The following EML4 variants were observed in gnomAD, a reference collection of about 807,000 sequenced individuals.
EML4 encodes the protein EMAP like 4.
In EML4, 72 loss-of-function variants were observed where a neutral mutation model predicts 129.0. That is an observed-to-expected ratio of 0.56 (90% confidence interval 0.46 to 0.68). The LOEUF (loss-of-function observed/expected upper bound fraction) is 0.68, where lower values mean the gene tolerates loss of function less well. Ranked by LOEUF, EML4 falls within the 30% of genes least tolerant of loss-of-function variation. EML4 has a pLI of 0.00. For missense variants in EML4, 1,363 were observed against 1,190.6 expected (o/e 1.14, Z -2.13); for synonymous variants, 532 against 405.0 (o/e 1.31, Z -3.77).
At chr2:42,221,402 A>ATTTTTTTT (rs1450348385) in intron 1 of EML4, among the ~76,000 whole-genome samples, 1 of 75,612 alleles carries the variant, frequency 1.3e-5, no homozygotes, top group African/African-American at 5.4e-5. Flanking sequence ...AACATGGTTT[A>ATTTTTTTT]CTTTTTTTTT....
chr2:42,259,318 A>C (rs1309709237), intron 3 of EML4, among the ~76,000 whole-genome samples: 1 of 152,052 alleles, frequency 6.6e-6, no homozygotes, highest in Middle Eastern at 3.2e-3. Context: ...CCTTTTCATC[A>C]CTGGAATTCA....
intron 3 of EML4, 130 bp downstream of exon 3, chr2:42,256,760 C>A: frequency 8.6e-7 from 1 of 1,164,896 alleles, no homozygotes; most frequent in Non-Finnish European, 1.2e-6. Context: ...AATTCTTAAA[C>A]TGTGAAAGTA....
intron 17 of EML4, 89 bp downstream of exon 17, chr2:42,304,640 ATCTCT>A (rs1668490732): frequency 1.0e-6 from 1 of 988,430 alleles, no homozygotes; most frequent in Admixed American, 1.7e-5. Context: ...TGGAGAATTA[ATCTCT>A]TAAGTGGCAC....
intron 1 of EML4, among the ~76,000 whole-genome samples, chr2:42,179,192 G>A (rs571517583): frequency 7.3e-4 from 110 of 151,580 alleles, no homozygotes; most frequent in Middle Eastern, 6.8e-3. Flanking sequence ...TTCATAGCCT[G>A]AATCTAATCA....
chr2:42,223,319 A>G (rs1250956207), intron 1 of EML4, among the ~76,000 whole-genome samples: 2 of 152,146 alleles, frequency 1.3e-5, no homozygotes, highest in Admixed American at 6.5e-5. Flanking sequence ...CAAATGCACC[A>G]CTACAAATGT....
intron 6 of EML4, among the ~76,000 whole-genome samples, chr2:42,280,200 G>C (rs868332107): frequency 6.6e-6 from 1 of 152,152 alleles, no homozygotes; most frequent in African/African-American, 2.4e-5. Context: ...AAAAACTGCT[G>C]TCACAAAATT....
intron 17 of EML4, among the ~76,000 whole-genome samples, chr2:42,305,350 A>T (rs893070442): frequency 6.6e-6 from 1 of 152,252 alleles, no homozygotes. Flanking sequence ...TTGCAAAATG[A>T]TAGAGTGGTC....
chr2:42,301,809 T>C lies in EML4; in HGVS notation c.1641+417T>C, dbSNP rs1668302489. Among the ~76,000 whole-genome samples, 3 of 152,128 alleles carry C rather than the reference T, an allele frequency of 2.0e-5. 1 individual carries two copies. The highest frequency in any genetic ancestry group is 2.0e-4 in the Admixed American group (3 of 15,274). ...CTCTTGGATTTTATTTCCAGGAAGA[T>C]AGATAATAAAGAGTTGCTTAATCAC... On this transcript the variant is annotated intron_variant, in intron 14 of 22. Transcript: ENST00000318522.
chr2:42,203,245 C>A (rs879356112), intron 1 of EML4, among the ~76,000 whole-genome samples: 2 of 152,134 alleles, frequency 1.3e-5, no homozygotes, highest in Admixed American at 1.3e-4. Flanking sequence ...GAAAACTTAA[C>A]CTAACATTTT....
intron 6 of EML4, 141 bp downstream of exon 6, chr2:42,264,872 A>G: frequency 6.5e-7 from 1 of 1,544,110 alleles, no homozygotes; most frequent in Non-Finnish European, 8.8e-7. Flanking sequence ...CATTTAGGAA[A>G]AAACCCAGTT....
chr2:42,194,962 A>G (rs546561498), intron 1 of EML4, among the ~76,000 whole-genome samples: 5 of 152,358 alleles, frequency 3.3e-5, no homozygotes, highest in East Asian at 3.9e-4. Flanking sequence ...AAATGCTAAC[A>G]AACAACATTG....
chr2:42,231,903 C>G (rs1482193109), intron 1 of EML4, among the ~76,000 whole-genome samples: 4 of 151,590 alleles, frequency 2.6e-5, no homozygotes, highest in African/African-American at 9.7e-5. Flanking sequence ...GAGCCAAGAT[C>G]AAGCCACTGC....
At chr2:42,324,665 T>A (rs1272869535) in intron 19 of EML4, among the ~76,000 whole-genome samples, 1 of 152,234 alleles carries the variant, frequency 6.6e-6, no homozygotes, top group African/African-American at 2.4e-5. Flanking sequence ...ATTAAATGTG[T>A]TTGACCACAG....
chr2:42,172,923 A>G (rs1309729765), intron 1 of EML4, among the ~76,000 whole-genome samples: 1 of 152,196 alleles, frequency 6.6e-6, no homozygotes, highest in Non-Finnish European at 1.5e-5. Context: ...TAACCTAGAG[A>G]TTAGTCTGTT....
chr2:42,207,593 A>C, intron 1 of EML4, among the ~76,000 whole-genome samples: 1 of 152,168 alleles, frequency 6.6e-6, no homozygotes, highest in East Asian at 1.9e-4. Context: ...ACCCAGTTCT[A>C]ATAAATTTAG....
At chr2:42,272,393 A>T (rs1021404230) in intron 6 of EML4, among the ~76,000 whole-genome samples, 23 of 152,338 alleles carry the variant, frequency 1.5e-4, no homozygotes, top group Non-Finnish European at 2.5e-4. Context: ...TGTTTCTAAA[A>T]ATATATTCAA....
chr2:42,197,779 C>T (rs555092719), intron 1 of EML4, among the ~76,000 whole-genome samples: 23 of 152,274 alleles, frequency 1.5e-4, no homozygotes, highest in African/African-American at 5.5e-4. Context: ...GTAAGTGTGT[C>T]ATTAGCTATT....
At chr2:42,181,029 C>G (rs1216432749) in intron 1 of EML4, among the ~76,000 whole-genome samples, 2 of 152,188 alleles carry the variant, frequency 1.3e-5, no homozygotes, top group Non-Finnish European at 2.9e-5. Context: ...CTGTGTTTGT[C>G]TCATTGCATC....
intron 1 of EML4, among the ~76,000 whole-genome samples, chr2:42,231,362 T>C (rs1372332055): frequency 1.3e-5 from 2 of 152,226 alleles, no homozygotes; most frequent in Admixed American, 6.5e-5. Context: ...TTATCAGATA[T>C]GTCCTAATAA....
Sources: allele counts gnomAD v4.1 joint callset (sites outside exome capture counted in the v4.1 genomes callset), GRCh38; gene constraint gnomAD v4.1.1; transcripts MANE v1.5; gene names NCBI Gene and HGNC (gene_info 2026-07-23, HGNC 2026-07-21).